The following ANKS1A variants were observed in gnomAD, a reference collection of about 807,000 sequenced individuals.
The protein encoded by ANKS1A is ankyrin repeat and sterile alpha motif domain containing 1A, also known as ankyrin repeat and SAM domain-containing protein 1A.
A neutral mutation model predicts 120.3 loss-of-function variants in ANKS1A; 55 were observed. That is an observed-to-expected ratio of 0.46 (90% CI 0.37 to 0.57). The LOEUF (loss-of-function observed/expected upper bound fraction) is 0.57, where lower values mean the gene tolerates loss of function less well. ANKS1A is among the 20% of genes least tolerant of loss of function. The probability of loss-of-function intolerance (pLI) is 0.00; values close to 1 mark genes in which losing one functional copy is unlikely to be tolerated. For synonymous variants in ANKS1A, 590 were observed against 604.7 expected, an observed-to-expected ratio of 0.98 and a Z score of 0.36; for missense variants, 1,123 against 1,480.3, an observed-to-expected ratio of 0.76 and a Z score of 3.96.
chr6:34,946,683 GT>G (rs1294535792), intron 1 of ANKS1A, among the ~76,000 whole-genome samples: 1 of 152,000 alleles, frequency 6.6e-6, no homozygotes, highest in Non-Finnish European at 1.5e-5. Flanking sequence ...TTTCGTTCAT[GT>G]TATAGTTTAT....
chr6:35,002,523 C>T (rs948752965), intron 10 of ANKS1A, among the ~76,000 whole-genome samples: 1 of 152,198 alleles, frequency 6.6e-6, no homozygotes, highest in Admixed American at 6.5e-5. Context: ...AAGATAGCTA[C>T]AGTCCTATTA....
intron 11 of ANKS1A, among the ~76,000 whole-genome samples, chr6:35,020,044 A>G (rs957735043): frequency 1.3e-5 from 2 of 152,034 alleles, no homozygotes; most frequent in African/African-American, 4.8e-5. Flanking sequence ...AGTTCAGGTC[A>G]TTTGGTTTTT....
chr6:35,064,329 G>A (rs1776657090), intron 13 of ANKS1A, among the ~76,000 whole-genome samples: 1 of 152,192 alleles, frequency 6.6e-6, no homozygotes, highest in Non-Finnish European at 1.5e-5. Flanking sequence ...GGTTAGAAAT[G>A]GATACTGAGT....
At chr6:35,041,315 G>T (rs1222439909) in intron 11 of ANKS1A, among the ~76,000 whole-genome samples, 1 of 152,178 alleles carries the variant, frequency 6.6e-6, no homozygotes, top group African/African-American at 2.4e-5. Flanking sequence ...GCTGAGACTG[G>T]TGGGCTGTGA....
rs1187304709 is a variant in ANKS1A, at chr6:35,090,110, C to G, written c.*1501C>G. 11 of 1,288,976 alleles carry G rather than the reference C, an allele frequency of 8.5e-6. No individual in the cohort carries two copies. Among genetic ancestry groups the G allele is most frequent in the African/African-American group, 1.5e-5 (1 of 65,872 alleles). The allele number at this position is 1,288,976 out of a possible 1,614,324, so 79.8% of individuals were successfully genotyped here. On this transcript the variant is annotated 3_prime_UTR_variant, in exon 24 of 24. Coordinates refer to ENST00000360359, the MANE Select transcript of ANKS1A (RefSeq NM_015245.3). ...GGGTTTCTATCTGCTAAGCACCCAGCAGGTTGGGGCCTGGGACTCAGCTCT... is the reference window on the plus strand; with the variant it reads ...GGGTTTCTATCTGCTAAGCACCCAGGAGGTTGGGGCCTGGGACTCAGCTCT...
At chr6:34,941,171 A>G (rs1158196658) in intron 1 of ANKS1A, among the ~76,000 whole-genome samples, 1 of 151,940 alleles carries the variant, frequency 6.6e-6, no homozygotes, top group East Asian at 2.0e-4. Flanking sequence ...TATTTTTAGT[A>G]GAGACAGGGT....
Position 35,044,218 on chromosome 6 carries a change from A to G in ANKS1A, c.2011-9881A>G, listed in dbSNP as rs1775610179. Among the ~76,000 whole-genome samples the G allele has an allele frequency of 6.6e-6, 1 of 152,216 alleles. No homozygotes were observed. The highest frequency in any genetic ancestry group is 1.9e-4 in the East Asian group (1 of 5,198). On this transcript the variant is annotated intron_variant, in intron 11 of 23. Transcript: ENST00000360359. This position sits in a 1 kb window ranked among gnomAD's most constrained non-coding sequence, Gnocchi z 4.4. ...AGTGTGGACATAGCCGTCCGCTGGCATCACTTACTGAGGGACAGGGTGGCA... is the reference window on the plus strand; with the variant it reads ...AGTGTGGACATAGCCGTCCGCTGGCGTCACTTACTGAGGGACAGGGTGGCA...
At position 35,088,723 on chromosome 6, in the gene ANKS1A, C is replaced by T. The variant is rs932113166; in HGVS notation, c.*114C>T. Reference sequence around the variant, plus strand: ...TCTGAAGACCCAGGCCTCACCTCCGCCTGCAGGACCTCCTCTTGGCCACTT... The same window carrying T: ...TCTGAAGACCCAGGCCTCACCTCCGTCTGCAGGACCTCCTCTTGGCCACTT... On this transcript the variant is annotated 3_prime_UTR_variant, in exon 24 of 24. Transcript: ENST00000360359. 13 of 1,607,190 alleles carry T rather than the reference C, an allele frequency of 8.1e-6. No individual in the cohort carries two copies. The African/African-American group carries it at 1.7e-4, about 22-fold the overall frequency.
Position 35,091,394 on chromosome 6 carries a change from C to T in ANKS1A, c.*2785C>T, listed in dbSNP as rs942394143. On this transcript the variant is annotated 3_prime_UTR_variant, in exon 24 of 24. Transcript: ENST00000360359. ...ACAGACTGAATTAATAAATGAGAAGCGACATGAACGCAGCCTTAATTCTTC... is the reference window on the plus strand; with the variant it reads ...ACAGACTGAATTAATAAATGAGAAGTGACATGAACGCAGCCTTAATTCTTC... The T allele has an allele frequency of 2.4e-5, 24 of 985,278 alleles. No homozygotes were observed. Among genetic ancestry groups the T allele is most frequent in the South Asian group, 1.9e-4 (4 of 21,290 alleles). 61.0% of individuals were successfully genotyped at this position (985,278 alleles called of 1,614,324 possible).
Position 35,050,069 on chromosome 6 carries a change from G to A in ANKS1A, c.2011-4030G>A, listed in dbSNP as rs923128401. On this transcript the variant is annotated intron_variant, in intron 11 of 23. Coordinates refer to ENST00000360359, the MANE Select transcript of ANKS1A (RefSeq NM_015245.3). This position sits in a 1 kb window ranked among gnomAD's most constrained non-coding sequence, Gnocchi z 4.3. ...GAGCTCCACCTCCCATCCCCACCCC[G>A]TGGGCAGCCAGAATCCTGCGGTCTA... Among the ~76,000 whole-genome samples the A allele has an allele frequency of 6.6e-6, 1 of 152,162 alleles. No homozygotes were observed. The highest frequency in any genetic ancestry group is 2.4e-5 in the African/African-American group (1 of 41,432).
Position 34,970,116 on chromosome 6 carries a change from GTGCGGT to G in ANKS1A, c.389_394del (p.Arg130_Leu131del). 1 of 1,614,086 alleles carries G rather than the reference GTGCGGT, an allele frequency of 6.2e-7. No individual in the cohort carries two copies. The highest frequency in any genetic ancestry group is 8.5e-7 in the Non-Finnish European group (1 of 1,179,998). On this transcript the variant is annotated inframe_deletion, in exon 3 of 24. Transcript: ENST00000360359. ...AGCCTGGAAAGGAGATGCCCAGATAGTGCGGTTGCTCATCCATCAAGGGCCTTCACA... is the reference window on the plus strand; with the variant it reads ...AGCCTGGAAAGGAGATGCCCAGATAGTGCTCATCCATCAAGGGCCTTCACA...
chr6:34,935,551 A>G (rs1368784342), intron 1 of ANKS1A, among the ~76,000 whole-genome samples: 1 of 152,230 alleles, frequency 6.6e-6, no homozygotes, highest in East Asian at 1.9e-4. Flanking sequence ...ACTGCTTAAA[A>G]TATCTGGGCT....
rs1467392979 is a variant in ANKS1A at position 35,060,818 on chromosome 6, A to G, written c.2184+565A>G. The stretch of plus-strand genomic sequence containing the variant: ...AAAACACAAAGGGCCAAAAATAAAA[A>G]GAGAAACCAGGGTGTTTCCTCTGGA... On this transcript the variant is annotated intron_variant, in intron 13 of 23. Coordinates refer to ENST00000360359, the MANE Select transcript of ANKS1A (RefSeq NM_015245.3). The surrounding 1 kb of genome is among the most constrained non-coding windows in gnomAD (Gnocchi z 4.5). 6.6e-6 allele frequency among the ~76,000 whole-genome samples: 1 copy of G among 152,212 alleles called. No homozygotes were observed. Among genetic ancestry groups the G allele is most frequent in the African/African-American group, 2.4e-5 (1 of 41,458 alleles).
At chr6:34,927,266 C>T (rs940255467) in intron 1 of ANKS1A, among the ~76,000 whole-genome samples, 1 of 151,118 alleles carries the variant, frequency 6.6e-6, no homozygotes, top group Non-Finnish European at 1.5e-5. Flanking sequence ...GAGTCAGGCT[C>T]TAAGAGAACA....
chr6:35,049,165 A>G (rs1416826934), intron 11 of ANKS1A, among the ~76,000 whole-genome samples: 1 of 152,184 alleles, frequency 6.6e-6, no homozygotes, highest in African/African-American at 2.4e-5. Context: ...GGGAGTGCCA[A>G]CCTTGTGCCA....
chr6:35,031,687 C>T (rs975056214), intron 11 of ANKS1A, among the ~76,000 whole-genome samples: 18 of 152,130 alleles, frequency 1.2e-4, no homozygotes, highest in African/African-American at 3.6e-4. Flanking sequence ...CTTGTGGCTG[C>T]CTTACCATGT....
chr6:35,026,296 T>G (rs1774621263), intron 11 of ANKS1A, among the ~76,000 whole-genome samples: 1 of 152,224 alleles, frequency 6.6e-6, no homozygotes, highest in Non-Finnish European at 1.5e-5. Context: ...GTATTTTACA[T>G]AATCAGTAAT....
intron 1 of ANKS1A, among the ~76,000 whole-genome samples, chr6:34,925,689 G>C (rs539587020): frequency 1.3e-5 from 2 of 152,160 alleles, no homozygotes; most frequent in Non-Finnish European, 2.9e-5. Context: ...GTGCGGAGAG[G>C]GATACTCTGT....
chr6:34,943,926 TC>T (rs1769653502), intron 1 of ANKS1A, among the ~76,000 whole-genome samples: 1 of 152,166 alleles, frequency 6.6e-6, no homozygotes, highest in South Asian at 2.1e-4. Context: ...GATTACTGAA[TC>T]ATATGGTAAG....
Sources: gnomAD v4.1 joint callset for allele counts (sites outside exome capture counted in the v4.1 genomes callset) on GRCh38, gnomAD v4.1.1 for gene constraint, Gnocchi (gnomAD v3.1) non-coding constraint, MANE v1.5 for transcripts, NCBI Gene and HGNC (gene_info 2026-07-23, HGNC 2026-07-21) for gene names.